CAST: variants seen among roughly 807,000 people sequenced by gnomAD.
CAST encodes the protein MIR583 host.
A neutral mutation model predicts 119.6 loss-of-function variants in CAST; 76 were observed. The ratio of observed to expected loss-of-function variants is 0.64; its 90% confidence interval spans 0.53 to 0.77. The LOEUF (loss-of-function observed/expected upper bound fraction) is 0.77. Among genes scored for constraint, CAST ranks in the 30% least tolerant of loss-of-function variants. The pLI, the probability that CAST is intolerant of heterozygous loss-of-function variation, is 0.00. For missense variants in CAST, 953 were observed against 946.5 expected, an observed-to-expected ratio of 1.01 and a Z score of -0.09; for synonymous variants, 319 against 331.6, an observed-to-expected ratio of 0.96 and a Z score of 0.41.
At chr5:96,091,630 C>T in the CAST span, among the ~76,000 whole-genome samples, 13 of 151,830 alleles carry the variant, frequency 8.6e-5, no homozygotes, top group South Asian at 8.3e-4. Flanking sequence ...CTCAGTCCCC[C>T]GAGTAGCTGG....
At chr5:96,044,648 C>T in the CAST span, among the ~76,000 whole-genome samples, 1 of 152,234 alleles carries the variant, frequency 6.6e-6, no homozygotes, top group East Asian at 1.9e-4. Flanking sequence ...GTCCCAAAGA[C>T]ATGGATGAGA....
the CAST span, among the ~76,000 whole-genome samples, chr5:96,480,276 GA>G: frequency 6.6e-6 from 1 of 152,164 alleles, no homozygotes; most frequent in East Asian, 1.9e-4. Context: ...ATGGGAACAG[GA>G]AGAGTAGAAT....
chr5:96,166,451 AGT>A, the CAST span, among the ~76,000 whole-genome samples: 37 of 152,276 alleles, frequency 2.4e-4, 2 homozygotes, highest in African/African-American at 8.7e-4. Context: ...TCCCTGCAGC[AGT>A]GTGTGTGCCC....
the CAST span, among the ~76,000 whole-genome samples, chr5:96,127,865 T>C: frequency 1.3e-5 from 2 of 152,216 alleles, no homozygotes; most frequent in Admixed American, 1.3e-4. Context: ...ATGAATTATA[T>C]GGTATTATGA....
the CAST span, among the ~76,000 whole-genome samples, chr5:96,320,770 T>A: frequency 6.6e-6 from 1 of 152,138 alleles, no homozygotes; most frequent in Non-Finnish European, 1.5e-5. Flanking sequence ...CCTCATAGAA[T>A]TGCAGAATAG....
chr5:96,096,283 G>A, the CAST span, among the ~76,000 whole-genome samples: 37 of 152,252 alleles, frequency 2.4e-4, 2 homozygotes, highest in African/African-American at 8.7e-4. Context: ...TCATTCAAAT[G>A]ACCTAAAGTT....
chr5:96,029,584 A>G, the CAST span, among the ~76,000 whole-genome samples: 1 of 152,282 alleles, frequency 6.6e-6, no homozygotes, highest in East Asian at 1.9e-4. Flanking sequence ...ACCAGTAGAT[A>G]TCAAGGTATC....
At chr5:96,202,664 A>T in the CAST span, among the ~76,000 whole-genome samples, 6 of 152,142 alleles carry the variant, frequency 3.9e-5, no homozygotes, top group Non-Finnish European at 7.4e-5. Flanking sequence ...TGCAAAAGAT[A>T]GCATTGACTT....
chr5:96,280,478 TAGG>T, the CAST span, among the ~76,000 whole-genome samples: 1 of 152,234 alleles, frequency 6.6e-6, no homozygotes, highest in African/African-American at 2.4e-5. Flanking sequence ...ATTTTGCTTA[TAGG>T]TAAGTCTCTG....
the CAST span, among the ~76,000 whole-genome samples, chr5:96,385,724 G>A: frequency 6.6e-6 from 1 of 152,216 alleles, no homozygotes; most frequent in African/African-American, 2.4e-5. Flanking sequence ...GGAGCAGAAG[G>A]AGCAGAGTGG....
At chr5:96,619,496 A>G (rs967059735) in intron 1 of CAST, among the ~76,000 whole-genome samples, 3 of 152,228 alleles carry the variant, frequency 2.0e-5, no homozygotes, top group Admixed American at 6.5e-5. Context: ...AGGCTGCCCG[A>G]ACTAGCAGCA....
the CAST span, among the ~76,000 whole-genome samples, chr5:96,335,042 A>G: frequency 0.021 from 3,239 of 152,202 alleles, 115 homozygotes; most frequent in African/African-American, 0.074. Flanking sequence ...TACACATGCC[A>G]AGACCAGGTT....
At chr5:96,019,655 C>CCT in the CAST span, among the ~76,000 whole-genome samples, 2 of 152,294 alleles carry the variant, frequency 1.3e-5, no homozygotes, top group African/African-American at 4.8e-5. Flanking sequence ...CAATTCCTGA[C>CCT]CTCTCCCAAA....
chr5:96,226,943 A>G, the CAST span, among the ~76,000 whole-genome samples: 1 of 152,214 alleles, frequency 6.6e-6, no homozygotes, highest in Non-Finnish European at 1.5e-5. Flanking sequence ...ACTATTGGCT[A>G]TGTATTCAGA....
chr5:96,299,916 T>C, the CAST span, among the ~76,000 whole-genome samples: 1 of 152,224 alleles, frequency 6.6e-6, no homozygotes, highest in African/African-American at 2.4e-5. Context: ...TTAACAGTTA[T>C]TTAACAGTTT....
At chr5:96,292,483 C>T in the CAST span, among the ~76,000 whole-genome samples, 1 of 152,160 alleles carries the variant, frequency 6.6e-6, no homozygotes, top group Non-Finnish European at 1.5e-5. Context: ...TGCTGGTGCC[C>T]AAGCTCTACC....
At chr5:96,482,224 C>G in the CAST span, among the ~76,000 whole-genome samples, 1 of 152,046 alleles carries the variant, frequency 6.6e-6, no homozygotes, top group South Asian at 2.1e-4. Context: ...CAATCCTGCT[C>G]ATACTGGGGA....
At chr5:96,738,634 TA>T (rs988662162) in intron 11 of CAST, among the ~76,000 whole-genome samples, 36 of 151,346 alleles carry the variant, frequency 2.4e-4, no homozygotes, top group African/African-American at 8.5e-4. Flanking sequence ...TCCTTGGTAT[TA>T]AAAAAAAGAC....
chr5:96,631,461 C>T (rs1425297307), intron 1 of CAST, among the ~76,000 whole-genome samples: 6 of 141,138 alleles, frequency 4.3e-5, no homozygotes, highest in African/African-American at 1.5e-4. Context: ...GATTAAATAA[C>T]ATCCCATTGT....
Sources: gnomAD v4.1 joint callset for allele counts (sites outside exome capture counted in the v4.1 genomes callset) on GRCh38, gnomAD v4.1.1 for gene constraint, MANE v1.5 for transcripts, NCBI Gene and HGNC (gene_info 2026-07-23, HGNC 2026-07-21) for gene names.